PTPN4: variants seen among roughly 807,000 people sequenced by gnomAD.
PTPN4 encodes the protein tyrosine-protein phosphatase non-receptor type 4.
Under a neutral mutation model 135.5 loss-of-function variants are expected in PTPN4, and 49 were observed. The observed-to-expected ratio is 0.36, with a 90% CI of 0.29 to 0.46. The LOEUF (loss-of-function observed/expected upper bound fraction) is 0.46. Among genes scored for constraint, PTPN4 ranks in the 20% least tolerant of loss-of-function variants. The probability of loss-of-function intolerance (pLI) is 1.00; values close to 1 mark genes in which losing one functional copy is unlikely to be tolerated. For missense variants in PTPN4, 860 were observed against 1,101.0 expected (o/e 0.78, Z 3.10); for synonymous variants, 333 against 369.9 (o/e 0.90, Z 1.14).
At chr2:119,949,681 A>C (rs1679184441) in intron 18 of PTPN4, among the ~76,000 whole-genome samples, 1 of 152,162 alleles carries the variant, frequency 6.6e-6, no homozygotes, top group African/African-American at 2.4e-5. Flanking sequence ...TTTCTACAAA[A>C]AAAATTTTTA....
chr2:119,842,265 A>G (rs1266699379), intron 2 of PTPN4, among the ~76,000 whole-genome samples: 1 of 152,214 alleles, frequency 6.6e-6, no homozygotes, highest in African/African-American at 2.4e-5. Flanking sequence ...GGTCTACTAA[A>G]TAACAGAGGC....
At chr2:119,760,440 C>G in intron 1 of PTPN4, 56 bp downstream of exon 1, 1 of 389,038 alleles carries the variant, frequency 2.6e-6, no homozygotes, top group Non-Finnish European at 4.5e-6. Context: ...GAACGGGAGG[C>G]TCTTACCTGC....
intron 3 of PTPN4, among the ~76,000 whole-genome samples, chr2:119,875,542 A>G (rs1677971876): frequency 6.6e-6 from 1 of 152,198 alleles, no homozygotes; most frequent in African/African-American, 2.4e-5. Context: ...TAATAGATAG[A>G]TGGATGGGAA....
intron 10 of PTPN4, among the ~76,000 whole-genome samples, chr2:119,902,845 C>T (rs1678426128): frequency 6.6e-6 from 1 of 152,186 alleles, no homozygotes; most frequent in African/African-American, 2.4e-5. Flanking sequence ...TAGGGAGCTG[C>T]CTGAAGTCCA....
chr2:119,780,141 G>T (rs1205160055), intron 1 of PTPN4, among the ~76,000 whole-genome samples: 1 of 152,042 alleles, frequency 6.6e-6, no homozygotes, highest in Non-Finnish European at 1.5e-5. Flanking sequence ...TTGAACATCT[G>T]TATAATCTTG....
chr2:119,807,809 C>T (rs61832465), intron 1 of PTPN4, among the ~76,000 whole-genome samples: 2 of 152,160 alleles, frequency 1.3e-5, no homozygotes, highest in African/African-American at 2.4e-5. Context: ...TGATGAACAT[C>T]GATGCAAAAA....
At chr2:119,945,044 G>A (rs755492722) in intron 15 of PTPN4, 37 bp from the exon 16 acceptor site, 16 of 1,551,960 alleles carry the variant, frequency 1.0e-5, no homozygotes, top group Non-Finnish European at 1.4e-5. Context: ...TTTTAAAAAA[G>A]TTATGAAACA....
chr2:119,778,927 G>A (rs901730333), intron 1 of PTPN4, among the ~76,000 whole-genome samples: 1 of 152,056 alleles, frequency 6.6e-6, no homozygotes, highest in Non-Finnish European at 1.5e-5. Flanking sequence ...CTTTGTTGTC[G>A]TATACCATTT....
chr2:119,934,795 T>C lies in PTPN4; in HGVS notation c.1197-5T>C. 6.2e-7 allele frequency: 1 copy of C among 1,613,092 alleles called. No individual in the cohort carries two copies. Among genetic ancestry groups the C allele is most frequent in the Non-Finnish European group, 8.5e-7 (1 of 1,179,460 alleles). ...TTTATTCAGTTTTTCTCCCTCTTTA[T>C]TTAGTCGAAATTCTACATTCACGCA... is the stretch of plus-strand genomic sequence containing the variant. On this transcript the variant is annotated splice_region_variant and splice_polypyrimidine_tract_variant and intron_variant, in intron 14 of 26. Transcript: ENST00000263708.
At chr2:119,770,604 C>G (rs545734923) in intron 1 of PTPN4, among the ~76,000 whole-genome samples, 2 of 152,020 alleles carry the variant, frequency 1.3e-5, no homozygotes, top group Non-Finnish European at 2.9e-5. Flanking sequence ...ATGCTTTGTA[C>G]CATAATTTTT....
chr2:119,928,213 T>A (rs1471435475), intron 13 of PTPN4, among the ~76,000 whole-genome samples: 1 of 152,160 alleles, frequency 6.6e-6, no homozygotes, highest in Non-Finnish European at 1.5e-5. Flanking sequence ...TGGCAATAAA[T>A]CTTTTAACAG....
In PTPN4 at chr2:119,984,674, T is replaced by C. The variant is rs950588753; in HGVS notation, c.*7604T>C. 6.6e-6 allele frequency among the ~76,000 whole-genome samples: 1 copy of C among 152,222 alleles called. No individual in the cohort carries two copies. The highest frequency in any genetic ancestry group is 2.1e-4 in the South Asian group (1 of 4,834). On this transcript the variant is annotated 3_prime_UTR_variant, in exon 27 of 27. Coordinates refer to ENST00000263708, the MANE Select transcript of PTPN4 (RefSeq NM_002830.4). ...AAAAAATTAGAATTTCTGCCATTCATGTACAAAAAAATTACAACTACAGCA... is the reference window on the plus strand; with the variant it reads ...AAAAAATTAGAATTTCTGCCATTCACGTACAAAAAAATTACAACTACAGCA...
chr2:119,888,978 G>A (rs1678199256), intron 9 of PTPN4, among the ~76,000 whole-genome samples: 1 of 152,092 alleles, frequency 6.6e-6, no homozygotes, highest in South Asian at 2.1e-4. Flanking sequence ...TGTGTTGGGA[G>A]ACTTTCTTTA....
At chr2:119,958,019 T>C (rs984039222) in intron 22 of PTPN4, among the ~76,000 whole-genome samples, 5 of 152,122 alleles carry the variant, frequency 3.3e-5, no homozygotes, top group African/African-American at 9.7e-5. Context: ...TTTGTTATTT[T>C]TGGTATGCTT....
chr2:119,803,587 GTC>G (rs1333195899), intron 1 of PTPN4, among the ~76,000 whole-genome samples: 1 of 152,082 alleles, frequency 6.6e-6, no homozygotes, highest in Non-Finnish European at 1.5e-5. Context: ...CCAGGATATG[GTC>G]TCTCTTGAAA....
At chr2:119,822,762 G>A (rs934593370) in intron 2 of PTPN4, among the ~76,000 whole-genome samples, 1 of 151,870 alleles carries the variant, frequency 6.6e-6, no homozygotes, top group Non-Finnish European at 1.5e-5. Context: ...CAAATTAGTG[G>A]GCTTTCAGGA....
At chr2:119,929,494 T>C (rs912214193) in intron 13 of PTPN4, among the ~76,000 whole-genome samples, 9 of 152,166 alleles carry the variant, frequency 5.9e-5, no homozygotes, top group African/African-American at 1.9e-4. Context: ...GCAGCACATA[T>C]ACTGATTATC....
rs1235597450 is a variant in PTPN4, at chr2:119,826,625, C to T, written c.138+16634C>T. 2.0e-5 allele frequency among the ~76,000 whole-genome samples: 3 copies of T among 152,296 alleles called. No homozygotes were observed. The East Asian group carries it at 5.8e-4, about 29-fold the overall frequency. ...ATACACAGTACAATCCCTCCCCTATCCCCCACAATAGAGAATGATCCTAAT... is the reference window on the plus strand; with the variant it reads ...ATACACAGTACAATCCCTCCCCTATTCCCCACAATAGAGAATGATCCTAAT... On this transcript the variant is annotated intron_variant, in intron 2 of 26. Coordinates refer to ENST00000263708, the MANE Select transcript of PTPN4 (RefSeq NM_002830.4).
chr2:119,894,641 T>C (rs1678291145), intron 9 of PTPN4, among the ~76,000 whole-genome samples: 1 of 152,160 alleles, frequency 6.6e-6, no homozygotes, highest in South Asian at 2.1e-4. Context: ...GAAAAGAACA[T>C]ACTGCTACAG....
Sources: allele counts gnomAD v4.1 joint callset (sites outside exome capture counted in the v4.1 genomes callset), GRCh38; gene constraint gnomAD v4.1.1; transcripts MANE v1.5; gene names NCBI Gene and HGNC (gene_info 2026-07-23, HGNC 2026-07-21).